The following WASHC2C variants were observed in gnomAD, a reference collection of about 807,000 sequenced individuals.
WASHC2C encodes the protein Vaccinia Penetration Factor.
A neutral mutation model predicts 142.2 loss-of-function variants in WASHC2C; 73 were observed. The observed-to-expected ratio is 0.51, with a 90% CI of 0.43 to 0.62. WASHC2C has a LOEUF of 0.62. WASHC2C is among the 20% of genes least tolerant of loss of function. The pLI is 0.00. For synonymous variants in WASHC2C, 337 were observed against 565.5 expected (o/e 0.60, Z 5.73); for missense variants, 969 against 1,531.7 (o/e 0.63, Z 6.13).
intron 3 of WASHC2C, among the ~76,000 whole-genome samples, chr10:45,730,423 A>G (rs2134023753): frequency 6.9e-6 from 1 of 145,300 alleles, no homozygotes; most frequent in South Asian, 2.2e-4. Context: ...CTTGGTCCTG[A>G]CTATCTCACT....
At chr10:45,786,990 T>C in intron 27 of WASHC2C, 45 bp from the exon 28 acceptor site, 1 of 1,607,824 alleles carries the variant, frequency 6.2e-7, no homozygotes, top group Non-Finnish European at 8.5e-7. Flanking sequence ...GATAATAGAC[T>C]GCTGTGTTGA....
intron 6 of WASHC2C, 29 bp from the exon 7 acceptor site, chr10:45,744,792 G>T: frequency 1.8e-6 from 1 of 563,238 alleles, no homozygotes; most frequent in Non-Finnish European, 3.1e-6. Flanking sequence ...GAATATTGGT[G>T]TGGTGACCCT....
intron 4 of WASHC2C, among the ~76,000 whole-genome samples, 152 bp downstream of exon 4, chr10:45,738,197 G>T (rs1313039722): frequency 6.6e-6 from 1 of 152,172 alleles, no homozygotes; most frequent in Non-Finnish European, 1.5e-5. Context: ...TCTTTCCTTT[G>T]TTTCTGAAAT....
At position 45,784,293 on chromosome 10, in the gene WASHC2C, C is replaced by CACATATATATATAT. The variant is rs1305333868; in HGVS notation, c.2479-271_2479-270insCATATATATATATA. ...ATATATATATATATATATATATACA[C>CACATATATATATAT]ATATATATATATATATATACACACA... On this transcript the variant is annotated intron_variant, in intron 23 of 30. Transcript: ENST00000623400. 1.3e-4 allele frequency among the ~76,000 whole-genome samples: 8 copies of CACATATATATATAT among 63,646 alleles called. No individual in the cohort carries two copies. The South Asian group carries it at 2.5e-3, about 20-fold the overall frequency. The allele number at this position is 63,646 out of a possible 152,430, so 41.8% of individuals were successfully genotyped here. A position where few individuals can be genotyped will look rare whatever the true frequency, so the allele number is the denominator to read the frequency against.
Position 45,753,306 on chromosome 10 carries a change from G to T in WASHC2C, c.1180+69G>T. 6.7e-6 allele frequency: 8 copies of T among 1,201,962 alleles called. 1 individual carries two copies. Among genetic ancestry groups the T allele is most frequent in the Non-Finnish European group, 9.2e-6 (8 of 870,288 alleles). 74.5% of individuals were successfully genotyped at this position (1,201,962 alleles called of 1,614,324 possible). A position where few individuals can be genotyped will look rare whatever the true frequency, so the allele number is the denominator to read the frequency against. On this transcript the variant is annotated intron_variant, in intron 13 of 30. Coordinates refer to ENST00000623400, the MANE Select transcript of WASHC2C (RefSeq NM_001330074.2). Reference sequence around the variant, plus strand: ...AAAACTGTCTTTCTCACTAGGAGATGGAACAAGGTTGTTCCCAAGCCTTGT... The same window carrying T: ...AAAACTGTCTTTCTCACTAGGAGATTGAACAAGGTTGTTCCCAAGCCTTGT...
At position 45,751,605 on chromosome 10, in the gene WASHC2C, T is replaced by C. The variant is rs1277486952; in HGVS notation, c.1003+52T>C. Reference sequence around the variant, plus strand: ...TTTTAGGAGCCTGTTGACTAAGGAATGTTGCTTACATAATTCATGAAGTAC... The same window carrying C: ...TTTTAGGAGCCTGTTGACTAAGGAACGTTGCTTACATAATTCATGAAGTAC... On this transcript the variant is annotated intron_variant, in intron 11 of 30. Coordinates refer to ENST00000623400, the MANE Select transcript of WASHC2C (RefSeq NM_001330074.2). 9 of 795,752 alleles carry C rather than the reference T, an allele frequency of 1.1e-5. No individual in the cohort carries two copies. In the African/African-American group the frequency reaches 1.4e-4, roughly 13 times the overall value. 49.3% of individuals were successfully genotyped at this position (795,752 alleles called of 1,614,324 possible).
intron 21 of WASHC2C, 113 bp downstream of exon 21, chr10:45,773,471 A>G (rs2135440191): frequency 4.3e-6 from 3 of 690,854 alleles, no homozygotes; most frequent in East Asian, 2.6e-5. Context: ...GTCTTATGGA[A>G]GACCTTATTT....
chr10:45,759,253 G>A, intron 16 of WASHC2C, 62 bp from the exon 17 acceptor site: 2 of 1,096,726 alleles, frequency 1.8e-6, no homozygotes, highest in South Asian at 1.5e-5. Flanking sequence ...TATCTTACGT[G>A]TTAATGCTTA....
chr10:45,790,936 T>C (rs1431791642), intron 30 of WASHC2C, among the ~76,000 whole-genome samples: 3 of 151,860 alleles, frequency 2.0e-5, no homozygotes, highest in African/African-American at 7.3e-5. Flanking sequence ...GGACAGGGAG[T>C]GTCCATGGTT....
intron 3 of WASHC2C, among the ~76,000 whole-genome samples, chr10:45,732,726 A>G (rs1454403512): frequency 6.6e-6 from 1 of 152,230 alleles, no homozygotes; most frequent in Non-Finnish European, 1.5e-5. Flanking sequence ...TAGTGTTCCA[A>G]TAATGGGACA....
intron 5 of WASHC2C, among the ~76,000 whole-genome samples, chr10:45,742,711 G>A (rs2052264132): frequency 6.6e-6 from 1 of 151,864 alleles, no homozygotes; most frequent in African/African-American, 2.4e-5. Context: ...TTCTTTCCTT[G>A]GTCCTCCTCT....
At position 45,792,711 on chromosome 10, in the gene WASHC2C, A is replaced by G; in HGVS notation, c.*311A>G. ...AAATCTCTTTGTGGCTTTCATGGGC[A>G]GGGAATCTCAGAGATAGCAAATGCC... On this transcript the variant is annotated 3_prime_UTR_variant, in exon 31 of 31. Transcript: ENST00000623400. The G allele has an allele frequency of 1.9e-6, 1 of 527,982 alleles. No individual in the cohort carries two copies. The highest frequency in any genetic ancestry group is 3.6e-6 in the Non-Finnish European group (1 of 278,532). The allele number at this position is 527,982 out of a possible 1,614,324, so 32.7% of individuals were successfully genotyped here. A position where few individuals can be genotyped will look rare whatever the true frequency, so the allele number is the denominator to read the frequency against.
Position 45,789,499 on chromosome 10 carries a change from G to T in WASHC2C, c.3708+8G>T. 6.2e-7 allele frequency: 1 copy of T among 1,612,024 alleles called. No homozygotes were observed. The highest frequency in any genetic ancestry group is 8.5e-7 in the Non-Finnish European group (1 of 1,179,864). The stretch of plus-strand genomic sequence containing the variant: ...ACACAAGATATTTTTGAGGTAATAG[G>T]ACTTAACACGTTTTTGTGTCTGTTC... On this transcript the variant is annotated splice_region_variant and intron_variant, in intron 29 of 30. Coordinates refer to ENST00000623400, the MANE Select transcript of WASHC2C (RefSeq NM_001330074.2).
At chr10:45,743,986 A>G (rs1223960068) in intron 6 of WASHC2C, among the ~76,000 whole-genome samples, 1 of 148,024 alleles carries the variant, frequency 6.8e-6, no homozygotes, top group Non-Finnish European at 1.5e-5. Flanking sequence ...TGACCTCATG[A>G]TCTGCCCGCC....
chr10:45,783,354 A>G (rs183285556), intron 23 of WASHC2C, among the ~76,000 whole-genome samples: 60 of 152,358 alleles, frequency 3.9e-4, no homozygotes, highest in South Asian at 8.3e-4. Context: ...AATATTTAAC[A>G]TTACTTGCTG....
intron 19 of WASHC2C, 31 bp downstream of exon 19, chr10:45,765,841 G>T: frequency 6.2e-7 from 1 of 1,611,570 alleles, no homozygotes; most frequent in Non-Finnish European, 8.5e-7. Context: ...AAAAAGAGGG[G>T]ATTATTTCAT....
At chr10:45,780,656 GAT>G (rs2057421772) in intron 23 of WASHC2C, among the ~76,000 whole-genome samples, 1 of 152,004 alleles carries the variant, frequency 6.6e-6, no homozygotes, top group Non-Finnish European at 1.5e-5. Flanking sequence ...AAGTCATTAA[GAT>G]TGAAGGATGT....
In WASHC2C at chr10:45,777,456, A is replaced by G. The variant is rs782694807; in HGVS notation, c.2295+31A>G. ...CTTTTTTTCTTGTATACTTGAATGC[A>G]TTTGTCTCTCGTATGTTGTTTCAAA... On this transcript the variant is annotated intron_variant, in intron 22 of 30. Coordinates refer to ENST00000623400, the MANE Select transcript of WASHC2C (RefSeq NM_001330074.2). 6.8e-6 allele frequency: 11 copies of G among 1,611,944 alleles called. 1 individual carries two copies. The East Asian group carries it at 1.1e-4, about 16-fold the overall frequency.
At chr10:45,730,118 G>T (rs1318535910) in intron 3 of WASHC2C, among the ~76,000 whole-genome samples, 2 of 136,594 alleles carry the variant, frequency 1.5e-5, no homozygotes, top group East Asian at 2.1e-4. Flanking sequence ...GCCAAGACGG[G>T]TGGATCACCT....
Sources: gnomAD v4.1 joint callset for allele counts (sites outside exome capture counted in the v4.1 genomes callset) on GRCh38, gnomAD v4.1.1 for gene constraint, MANE v1.5 for transcripts, NCBI Gene and HGNC (gene_info 2026-07-23, HGNC 2026-07-21) for gene names.